Variants in LRRC37A2 observed in about 807,000 individuals in gnomAD.
LRRC37A2 encodes leucine-rich repeat-containing protein 37A2.
LRRC37A2 carries 9 observed loss-of-function variants against 68.8 expected under a neutral mutation model. That is an observed-to-expected ratio of 0.13 (90% CI 0.08 to 0.23). The LOEUF is 0.23. LRRC37A2 is among the 10% of genes least tolerant of loss of function. The probability of loss-of-function intolerance (pLI) is 1.00; values close to 1 mark genes in which losing one functional copy is unlikely to be tolerated. For missense variants in LRRC37A2, 168 were observed against 950.4 expected (o/e 0.18, Z 10.82); for synonymous variants, 63 against 367.6 (o/e 0.17, Z 9.48).
chr17:46,778,696 T>C, the LRRC37A2 span, among the ~76,000 whole-genome samples: 1 of 152,212 alleles, frequency 6.6e-6, no homozygotes, highest in East Asian at 1.9e-4. Context: ...TGCGTGGCTT[T>C]GACGGATTTG....
At chr17:46,621,313 G>A in the LRRC37A2 span, among the ~76,000 whole-genome samples, 39 of 140,744 alleles carry the variant, frequency 2.8e-4, 1 homozygote, top group African/African-American at 1.0e-3. Flanking sequence ...TTGAGATAGG[G>A]TCTCGCTCTG....
the LRRC37A2 span, among the ~76,000 whole-genome samples, chr17:46,788,112 C>A: frequency 6.6e-6 from 1 of 152,084 alleles, no homozygotes; most frequent in African/African-American, 2.4e-5. Context: ...CAAAGAAGTC[C>A]CCTTCAAAGA....
At chr17:46,413,599 GTTATT>G in the LRRC37A2 span, among the ~76,000 whole-genome samples, 2 of 55,832 alleles carry the variant, frequency 3.6e-5, no homozygotes, top group Non-Finnish European at 1.1e-4. Context: ...AAACATTGGG[GTTATT>G]TTATTTTATT....
chr17:46,937,675 G>C, the LRRC37A2 span: 1 of 152,096 alleles, frequency 6.6e-6, no homozygotes, highest in Admixed American at 6.5e-5. Context: ...TCATATAAAG[G>C]TATTCATGCT....
At chr17:46,955,454 C>T in the LRRC37A2 span, 1 of 152,156 alleles carries the variant, frequency 6.6e-6, no homozygotes, top group African/African-American at 2.4e-5. Context: ...CAATGTTCAT[C>T]AAGGATATTG....
the LRRC37A2 span, among the ~76,000 whole-genome samples, chr17:46,746,758 A>C: frequency 5.3e-5 from 8 of 152,340 alleles, no homozygotes; most frequent in East Asian, 1.5e-3. Context: ...GGCCTTGAAC[A>C]CAAATGACTT....
the LRRC37A2 span, among the ~76,000 whole-genome samples, chr17:46,859,546 T>A: frequency 1.3e-5 from 2 of 152,114 alleles, no homozygotes; most frequent in Admixed American, 6.6e-5. Flanking sequence ...ACAGTAGCTT[T>A]AAAAAAAATT....
chr17:46,996,020 T>C, the LRRC37A2 span, among the ~76,000 whole-genome samples: 4 of 152,226 alleles, frequency 2.6e-5, no homozygotes, highest in African/African-American at 7.2e-5. Flanking sequence ...GCTGGCCCCT[T>C]GCCAGGATGG....
chr17:46,755,410 C>G, the LRRC37A2 span: 11 of 1,488,470 alleles, frequency 7.4e-6, no homozygotes, highest in East Asian at 2.0e-4. Flanking sequence ...ACCAAACTTA[C>G]CACCCTGTTA....
chr17:46,957,255 A>G, the LRRC37A2 span, among the ~76,000 whole-genome samples: 1 of 152,170 alleles, frequency 6.6e-6, no homozygotes, highest in East Asian at 1.9e-4. Flanking sequence ...CAGTGAGCTG[A>G]GTTTACATCA....
the LRRC37A2 span, among the ~76,000 whole-genome samples, chr17:46,731,502 T>C: frequency 6.6e-6 from 1 of 152,166 alleles, no homozygotes. Flanking sequence ...GTGAACCATA[T>C]CTCAAGCGAT....
the LRRC37A2 span, among the ~76,000 whole-genome samples, chr17:46,926,271 A>T: frequency 6.6e-6 from 1 of 152,236 alleles, no homozygotes; most frequent in East Asian, 1.9e-4. Context: ...ACTTTTAAGT[A>T]AAGTTAACAA....
At chr17:46,966,776 C>T in the LRRC37A2 span, 169 of 447,126 alleles carry the variant, frequency 3.8e-4, 1 homozygote, top group East Asian at 5.8e-3. Context: ...ATAGCACCTG[C>T]CTTGCAAGAA....
the LRRC37A2 span, chr17:46,936,329 G>A: frequency 9.1e-6 from 9 of 985,262 alleles, no homozygotes; most frequent in Admixed American, 6.1e-5. Flanking sequence ...GGGTTAGAGC[G>A]TCCTGTTAAG....
At chr17:46,731,034 C>T in the LRRC37A2 span, among the ~76,000 whole-genome samples, 10 of 152,030 alleles carry the variant, frequency 6.6e-5, no homozygotes, top group Non-Finnish European at 1.3e-4. Context: ...TATACACCTA[C>T]AAGCAATGAA....
At chr17:46,951,041 C>T in the LRRC37A2 span, among the ~76,000 whole-genome samples, 1 of 152,198 alleles carries the variant, frequency 6.6e-6, no homozygotes, top group Non-Finnish European at 1.5e-5. Context: ...CATGGCCTGT[C>T]ACTGTACCAT....
the LRRC37A2 span, among the ~76,000 whole-genome samples, chr17:46,817,512 C>G: frequency 2.0e-5 from 3 of 152,058 alleles, no homozygotes. Flanking sequence ...CCCCTCTGGC[C>G]CCTGGGACCT....
chr17:46,375,079 CCCCCCATAAAGGTATTTAATTAGGGCCAA>C, the LRRC37A2 span, among the ~76,000 whole-genome samples: 1 of 84,630 alleles, frequency 1.2e-5, no homozygotes, highest in Admixed American at 1.1e-4. Context: ...TCTGCTCCTG[CCCCCCATAAAGGTATTTAATTAGGGCCAA>C]AGACTCTGGT....
At chr17:46,782,754 G>A in the LRRC37A2 span, among the ~76,000 whole-genome samples, 1 of 152,234 alleles carries the variant, frequency 6.6e-6, no homozygotes, top group Non-Finnish European at 1.5e-5. Flanking sequence ...GGCCTGGACT[G>A]GAGCCGCTCA....
Sources: allele counts gnomAD v4.1 joint callset (sites outside exome capture counted in the v4.1 genomes callset), GRCh38; gene constraint gnomAD v4.1.1; transcripts MANE v1.5; gene names NCBI Gene and HGNC (gene_info 2026-07-23, HGNC 2026-07-21).